The following PRKCA variants were observed in gnomAD, a reference collection of about 807,000 sequenced individuals.
PRKCA encodes the protein protein kinase C alpha.
In PRKCA, 27 loss-of-function variants were observed where a neutral mutation model predicts 87.0. That is an observed-to-expected ratio of 0.31 (90% CI 0.23 to 0.43). The LOEUF (loss-of-function observed/expected upper bound fraction) is 0.43. PRKCA is among the 20% of genes least tolerant of loss of function. The pLI is 1.00. For synonymous variants in PRKCA, 329 were observed against 311.1 expected (o/e 1.06, Z -0.61); for missense variants, 518 against 852.3 (o/e 0.61, Z 4.88).
rs546821165 is a variant in PRKCA at position 66,472,692 on chromosome 17, T to C, written c.206-23509T>C. On this transcript the variant is annotated intron_variant, in intron 2 of 16. Coordinates refer to ENST00000413366, the MANE Select transcript of PRKCA (RefSeq NM_002737.3). The stretch of plus-strand genomic sequence containing the variant: ...TGCCTTTAGCCCACAAATGCCCACC[T>C]CTGCTGAGCCACCTTCTTGCAAAGG... 7.2e-5 allele frequency among the ~76,000 whole-genome samples: 11 copies of C among 152,280 alleles called. No individual in the cohort carries two copies. The South Asian group carries it at 1.7e-3, about 23-fold the overall frequency.
chr17:66,632,361 G>A (rs939052732), intron 3 of PRKCA, among the ~76,000 whole-genome samples: 2 of 151,860 alleles, frequency 1.3e-5, no homozygotes, highest in Non-Finnish European at 2.9e-5. Context: ...CAGAGGAGGG[G>A]GCTTTTTGTT....
intron 2 of PRKCA, among the ~76,000 whole-genome samples, chr17:66,465,516 T>G (rs774848379): frequency 1.3e-4 from 20 of 152,106 alleles, no homozygotes; most frequent in Non-Finnish European, 2.5e-4. Flanking sequence ...CTCAGTCTCC[T>G]GAGTAGCTGG....
At position 66,798,414 on chromosome 17, in the gene PRKCA, T is replaced by C. The variant is rs1464972578; in HGVS notation, c.1855-5459T>C. Reference sequence around the variant, plus strand: ...GTGGTGGTGGTGGTGGTGATGGTGATGGTGGTGGTGGTGGTGGTGACGGTG... The same window carrying C: ...GTGGTGGTGGTGGTGGTGATGGTGACGGTGGTGGTGGTGGTGGTGACGGTG... On this transcript the variant is annotated intron_variant, in intron 16 of 16. Transcript: ENST00000413366. Among the ~76,000 whole-genome samples, 501 of 106,008 alleles carry C rather than the reference T, an allele frequency of 4.7e-3. 16 individuals carry two copies. Among genetic ancestry groups the C allele is most frequent in the African/African-American group, 8.9e-3 (226 of 25,346 alleles). The allele number at this position is 106,008 out of a possible 152,430, so 69.5% of individuals were successfully genotyped here.
At chr17:66,732,229 A>G (rs188415381) in intron 8 of PRKCA, among the ~76,000 whole-genome samples, 1 of 152,196 alleles carries the variant, frequency 6.6e-6, no homozygotes, top group African/African-American at 2.4e-5. Flanking sequence ...TCCTCTCCAG[A>G]GAACATTTTC....
At chr17:66,450,742 G>A (rs1012715973) in intron 2 of PRKCA, among the ~76,000 whole-genome samples, 3 of 152,180 alleles carry the variant, frequency 2.0e-5, no homozygotes, top group Non-Finnish European at 4.4e-5. Flanking sequence ...GCAAAAGCTG[G>A]TACCAGCTCA....
rs115705804 is a variant in PRKCA, at chr17:66,474,336, C to T, written c.206-21865C>T. Among the ~76,000 whole-genome samples, 1,323 of 152,200 alleles carry T rather than the reference C, an allele frequency of 8.7e-3. 19 individuals are homozygous for T. The highest frequency in any genetic ancestry group is 0.031 in the African/African-American group (1,277 of 41,528). On this transcript the variant is annotated intron_variant, in intron 2 of 16. Transcript: ENST00000413366. The stretch of plus-strand genomic sequence containing the variant: ...AAGAGCTTTAAAAATTGATGGGGAC[C>T]CTGGGCTGCTGGCTAAGGAGCTCTC...
At chr17:66,498,764 G>A (rs147912630) in intron 3 of PRKCA, among the ~76,000 whole-genome samples, 44 of 152,344 alleles carry the variant, frequency 2.9e-4, no homozygotes, top group African/African-American at 9.9e-4. Flanking sequence ...GTGTGCGTGC[G>A]TACGCGCATG....
intron 5 of PRKCA, among the ~76,000 whole-genome samples, chr17:66,654,577 AT>A (rs982539143): frequency 6.6e-6 from 1 of 152,194 alleles, no homozygotes; most frequent in Non-Finnish European, 1.5e-5. Context: ...AGATCCTGTG[AT>A]TACTCACAGC....
At chr17:66,652,311 G>T (rs1476335609) in intron 5 of PRKCA, among the ~76,000 whole-genome samples, 2 of 152,156 alleles carry the variant, frequency 1.3e-5, no homozygotes, top group Admixed American at 6.5e-5. Flanking sequence ...AATGCAATCT[G>T]TAACACTTGG....
intron 3 of PRKCA, among the ~76,000 whole-genome samples, chr17:66,605,824 G>A (rs1251109596): frequency 6.6e-6 from 1 of 152,186 alleles, no homozygotes; most frequent in Non-Finnish European, 1.5e-5. Context: ...GAAGCCAGAC[G>A]CAGAAAGTCA....
rs1040597848 is a variant in PRKCA at position 66,645,529 on chromosome 17, C to T, written c.529+18C>T. ...TGTCACAGGTAAGGCTTGCTCATCC[C>T]GGAGCAGCATCGTGGGCAGGCATTT... On this transcript the variant is annotated intron_variant, in intron 5 of 16. Coordinates refer to ENST00000413366, the MANE Select transcript of PRKCA (RefSeq NM_002737.3). 1.5e-5 allele frequency: 25 copies of T among 1,613,840 alleles called. No individual in the cohort carries two copies. Among genetic ancestry groups the T allele is most frequent in the Admixed American group, 1.5e-4 (9 of 59,992 alleles).
At chr17:66,474,691 C>G (rs1386177957) in intron 2 of PRKCA, among the ~76,000 whole-genome samples, 1 of 152,130 alleles carries the variant, frequency 6.6e-6, no homozygotes, top group Non-Finnish European at 1.5e-5. Flanking sequence ...TTTATTATAC[C>G]GGAAGCCCAT....
chr17:66,786,325 G>A (rs975635398), intron 14 of PRKCA, among the ~76,000 whole-genome samples: 2 of 152,174 alleles, frequency 1.3e-5, no homozygotes, highest in Admixed American at 1.3e-4. Flanking sequence ...TGGAAGCTAA[G>A]GTCCCATCAC....
chr17:66,648,377 TACTA>T (rs1230168980), intron 5 of PRKCA, among the ~76,000 whole-genome samples: 1 of 152,266 alleles, frequency 6.6e-6, no homozygotes, highest in African/African-American at 2.4e-5. Flanking sequence ...GTACTTTATG[TACTA>T]ACTTTTATTC....
intron 8 of PRKCA, among the ~76,000 whole-genome samples, chr17:66,722,037 C>A (rs959788483): frequency 5.9e-5 from 9 of 152,140 alleles, no homozygotes; most frequent in African/African-American, 2.2e-4. Context: ...GTTTCTGATT[C>A]TTAACTGTAG....
chr17:66,629,712 A>C (rs1970957550), intron 3 of PRKCA, among the ~76,000 whole-genome samples: 1 of 152,196 alleles, frequency 6.6e-6, no homozygotes. Context: ...ATTTTAATAG[A>C]GGATAGATCA....
At chr17:66,335,680 A>G (rs1906619025) in intron 2 of PRKCA, among the ~76,000 whole-genome samples, 1 of 152,108 alleles carries the variant, frequency 6.6e-6, no homozygotes, top group South Asian at 2.1e-4. Context: ...CATTTCCCAC[A>G]TTACATATAT....
chr17:66,403,544 C>G (rs1310133292), intron 2 of PRKCA: 1 of 152,170 alleles, frequency 6.6e-6, no homozygotes, highest in African/African-American at 2.4e-5. Flanking sequence ...AAAAATAAAT[C>G]ACTGGGAGTA....
intron 3 of PRKCA, among the ~76,000 whole-genome samples, chr17:66,625,839 G>A (rs925654851): frequency 1.3e-5 from 2 of 152,136 alleles, no homozygotes; most frequent in Non-Finnish European, 2.9e-5. Flanking sequence ...ACTATCCATG[G>A]CTTCAAATTC....
Sources: allele counts gnomAD v4.1 joint callset (sites outside exome capture counted in the v4.1 genomes callset), GRCh38; gene constraint gnomAD v4.1.1; transcripts MANE v1.5; gene names NCBI Gene and HGNC (gene_info 2026-07-23, HGNC 2026-07-21).